ADAMTSL1: variants seen among roughly 807,000 people sequenced by gnomAD.
ADAMTSL1 encodes ADAMTS-like protein 1.
ADAMTSL1 carries 126 observed loss-of-function variants against 201.8 expected under a neutral mutation model. The ratio of observed to expected loss-of-function variants is 0.62; its 90% CI spans 0.54 to 0.72. The LOEUF (loss-of-function observed/expected upper bound fraction) is 0.72, where lower values mean the gene tolerates loss of function less well. Ranked by LOEUF, ADAMTSL1 falls within the 30% of genes least tolerant of loss-of-function variation. The probability of loss-of-function intolerance (pLI) is 0.00; values close to 1 mark genes in which losing one functional copy is unlikely to be tolerated. For missense variants in ADAMTSL1, 2,679 were observed against 2,277.8 expected (o/e 1.18, Z -3.59); for synonymous variants, 1,121 against 903.4 (o/e 1.24, Z -4.32).
At chr9:17,989,891 G>A (rs1819081709) in intron 1 of ADAMTSL1, among the ~76,000 whole-genome samples, 1 of 149,452 alleles carries the variant, frequency 6.7e-6, no homozygotes, top group South Asian at 2.1e-4. Flanking sequence ...GGGGCAAATG[G>A]TTTTGATACA....
intron 1 of ADAMTSL1, among the ~76,000 whole-genome samples, chr9:18,112,958 G>T (rs1408252412): frequency 6.6e-6 from 1 of 152,172 alleles, no homozygotes; most frequent in East Asian, 1.9e-4. Context: ...CAGTCAATCA[G>T]TAATGATGGA....
At chr9:17,915,584 A>C (rs979374935) in intron 1 of ADAMTSL1, among the ~76,000 whole-genome samples, 1 of 152,192 alleles carries the variant, frequency 6.6e-6, no homozygotes, top group Non-Finnish European at 1.5e-5. Context: ...AATACCTAGG[A>C]ATGGAATGGC....
intron 1 of ADAMTSL1, among the ~76,000 whole-genome samples, chr9:18,129,999 G>A (rs1002816888): frequency 7.2e-5 from 11 of 152,320 alleles, no homozygotes; most frequent in Non-Finnish European, 1.5e-4. Flanking sequence ...TGCACTGGGA[G>A]TCTTGGTGAG....
At chr9:18,296,112 G>T (rs1367005267) in intron 2 of ADAMTSL1, among the ~76,000 whole-genome samples, 2 of 152,026 alleles carry the variant, frequency 1.3e-5, no homozygotes, top group Non-Finnish European at 2.9e-5. Context: ...GGAAATAAAG[G>T]GACAAGTTAA....
chr9:18,329,470 C>G (rs1834947968), intron 2 of ADAMTSL1, among the ~76,000 whole-genome samples: 1 of 152,110 alleles, frequency 6.6e-6, no homozygotes, highest in African/African-American at 2.4e-5. Context: ...CCCAAGGAGT[C>G]CTCCAAAACG....
chr9:18,174,293 T>C (rs1211079372), intron 2 of ADAMTSL1, among the ~76,000 whole-genome samples: 2 of 152,150 alleles, frequency 1.3e-5, no homozygotes, highest in Non-Finnish European at 2.9e-5. Flanking sequence ...CTATCCTAAA[T>C]AGACCATGTC....
At chr9:18,656,452 AC>A (rs1270903030) in intron 7 of ADAMTSL1, among the ~76,000 whole-genome samples, 2 of 151,740 alleles carry the variant, frequency 1.3e-5, no homozygotes, top group African/African-American at 4.8e-5. Context: ...ACATTCTGAA[AC>A]CCCGTCTCTA....
intron 2 of ADAMTSL1, among the ~76,000 whole-genome samples, chr9:18,428,993 G>A (rs73417046): frequency 0.013 from 2,006 of 152,040 alleles, 43 homozygotes; most frequent in African/African-American, 0.045. Flanking sequence ...TCAAAAGTCA[G>A]CTATAAGTTC....
intron 3 of ADAMTSL1, among the ~76,000 whole-genome samples, chr9:18,550,052 A>G (rs1820707271): frequency 6.6e-6 from 1 of 151,962 alleles, no homozygotes; most frequent in Admixed American, 6.6e-5. Context: ...TGCTCTGGAA[A>G]GACATTTTAT....
At chr9:18,749,401 G>C (rs1293894028) in intron 15 of ADAMTSL1, among the ~76,000 whole-genome samples, 2 of 152,098 alleles carry the variant, frequency 1.3e-5, no homozygotes. Context: ...ATTTTAAATG[G>C]AAAGGAAAAG....
intron 2 of ADAMTSL1, among the ~76,000 whole-genome samples, chr9:18,464,400 T>C (rs1266069769): frequency 6.6e-6 from 1 of 152,228 alleles, no homozygotes; most frequent in East Asian, 1.9e-4. Context: ...AATTATACTA[T>C]TGTACATTGT....
intron 2 of ADAMTSL1, among the ~76,000 whole-genome samples, chr9:18,277,430 A>G (rs895098229): frequency 6.6e-5 from 10 of 152,260 alleles, no homozygotes; most frequent in African/African-American, 2.4e-4. Context: ...ATGCTCCTGT[A>G]CTGGGAACAT....
chr9:18,895,049 T>G (rs1243304682), intron 26 of ADAMTSL1, among the ~76,000 whole-genome samples: 1 of 152,196 alleles, frequency 6.6e-6, no homozygotes, highest in African/African-American at 2.4e-5. Flanking sequence ...ACGGTGCATA[T>G]TCAAACTTGA....
At chr9:18,139,093 C>G (rs995094851) in intron 1 of ADAMTSL1, among the ~76,000 whole-genome samples, 1 of 152,156 alleles carries the variant, frequency 6.6e-6, no homozygotes, top group Non-Finnish European at 1.5e-5. Flanking sequence ...CTTAAGATGT[C>G]TTCCTGTAAC....
chr9:18,756,076 A>AAAATATATAT (rs1819728814), intron 16 of ADAMTSL1, among the ~76,000 whole-genome samples: 3 of 80,700 alleles, frequency 3.7e-5, no homozygotes, highest in Non-Finnish European at 7.9e-5. Context: ...CTCTACTGAA[A>AAAATATATAT]ATATATATAT....
chr9:18,267,828 C>T (rs1832193065), intron 2 of ADAMTSL1, among the ~76,000 whole-genome samples: 1 of 145,746 alleles, frequency 6.9e-6, no homozygotes. Flanking sequence ...AGCCCAGAAA[C>T]CAGGATTTTG....
intron 2 of ADAMTSL1, among the ~76,000 whole-genome samples, chr9:18,450,009 A>G (rs2131667120): frequency 6.6e-6 from 1 of 152,346 alleles, no homozygotes; most frequent in East Asian, 1.9e-4. Context: ...AAATTCAGCA[A>G]TCCCATTCCT....
chr9:17,926,273 A>G (rs1826523440), intron 1 of ADAMTSL1, among the ~76,000 whole-genome samples: 1 of 152,190 alleles, frequency 6.6e-6, no homozygotes, highest in Admixed American at 6.5e-5. Context: ...ATGAAATTCA[A>G]ATTCTCAGTT....
chr9:18,445,107 TG>T (rs749417709), intron 2 of ADAMTSL1, among the ~76,000 whole-genome samples: 12 of 152,142 alleles, frequency 7.9e-5, no homozygotes, highest in Admixed American at 3.9e-4. Flanking sequence ...GTACAATAAA[TG>T]TACACATTAA....
Sources: gnomAD v4.1 joint callset for allele counts (sites outside exome capture counted in the v4.1 genomes callset) on GRCh38, gnomAD v4.1.1 for gene constraint, MANE v1.5 for transcripts, NCBI Gene and HGNC (gene_info 2026-07-23, HGNC 2026-07-21) for gene names.